Variants in PEX7 observed in about 807,000 individuals in gnomAD.
The protein encoded by PEX7 is peroxisomal biogenesis factor 7.
In PEX7, 34 loss-of-function variants were observed where a neutral mutation model predicts 47.5. That is an observed-to-expected ratio of 0.72 (90% CI 0.54 to 0.95). The LOEUF is 0.95. Among genes scored for constraint, PEX7 ranks in the 40% least tolerant of loss-of-function variants. PEX7 has a pLI of 0.00. For synonymous variants in PEX7, 141 were observed against 148.8 expected (o/e 0.95, Z 0.38); for missense variants, 394 against 400.3 (o/e 0.98, Z 0.13).
chr6:136,840,175 A>G (rs1413667129), intron 3 of PEX7, among the ~76,000 whole-genome samples: 1 of 152,208 alleles, frequency 6.6e-6, no homozygotes, highest in African/African-American at 2.4e-5. Context: ...TATTTTATAC[A>G]TTATAAAATA....
At position 136,900,955 on chromosome 6, in the gene PEX7, G is replaced by A. The variant is rs1775743697; in HGVS notation, c.903+2714G>A. The A allele has an allele frequency of 1.4e-5, 3 of 213,886 alleles. No homozygotes were observed. Among genetic ancestry groups the A allele is most frequent in the South Asian group, 1.6e-4 (2 of 12,742 alleles). 13.2% of individuals were successfully genotyped at this position (213,886 alleles called of 1,614,324 possible). Reference sequence around the variant, plus strand: ...TCACAGGAGGCACTTTTAGGCTCTTGTAGAGGATAACTCTTTGCTGCTGCA... The same window carrying A: ...TCACAGGAGGCACTTTTAGGCTCTTATAGAGGATAACTCTTTGCTGCTGCA... On this transcript the variant is annotated intron_variant, in intron 9 of 9. Coordinates refer to ENST00000318471, the MANE Select transcript of PEX7 (RefSeq NM_000288.4). This position sits in a 1 kb window ranked among gnomAD's most constrained non-coding sequence, Gnocchi z 4.2.
At chr6:136,825,691 AC>A (rs1182323011) in intron 2 of PEX7, among the ~76,000 whole-genome samples, 1 of 151,930 alleles carries the variant, frequency 6.6e-6, no homozygotes, top group Non-Finnish European at 1.5e-5. Flanking sequence ...CCGCCACCAC[AC>A]CCGGCTAATT....
chr6:136,878,858 TG>T (rs1465606189), intron 8 of PEX7, among the ~76,000 whole-genome samples: 1 of 136,376 alleles, frequency 7.3e-6, no homozygotes, highest in Non-Finnish European at 1.6e-5. Flanking sequence ...TGTGCTTTTT[TG>T]TTGTGTTTTT....
At chr6:136,888,458 C>T (rs1316526687) in intron 8 of PEX7, among the ~76,000 whole-genome samples, 4 of 152,094 alleles carry the variant, frequency 2.6e-5, no homozygotes, top group South Asian at 2.1e-4. Context: ...ACCCTATCAC[C>T]GTTTTTTGCT....
rs992525751 is a variant in PEX7, at chr6:136,873,020, GGTT to G, written c.803+768_803+770del. On this transcript the variant is annotated intron_variant, in intron 8 of 9. Transcript: ENST00000318471. ...ATTCTCCTCTTCTCTGTTAGAGTGT[GGTT>G]ATGTTATTCACTTGAAACATGGTTT... 9.2e-5 allele frequency among the ~76,000 whole-genome samples: 14 copies of G among 152,140 alleles called. No individual in the cohort carries two copies. In the South Asian group the frequency reaches 2.3e-3, roughly 25 times the overall value.
At chr6:136,847,310 T>A (rs1211819246) in intron 5 of PEX7, among the ~76,000 whole-genome samples, 3 of 152,070 alleles carry the variant, frequency 2.0e-5, no homozygotes, top group Admixed American at 2.0e-4. Flanking sequence ...TTCACTCTGA[T>A]GGTAGTTTCT....
intron 9 of PEX7, among the ~76,000 whole-genome samples, chr6:136,910,394 A>G (rs998393215): frequency 6.6e-6 from 1 of 152,188 alleles, no homozygotes; most frequent in African/African-American, 2.4e-5. Context: ...AGAGCAAGGC[A>G]AAGGGGACAG....
At chr6:136,903,827 C>T (rs1182993009) in intron 9 of PEX7, among the ~76,000 whole-genome samples, 2 of 147,804 alleles carry the variant, frequency 1.4e-5, no homozygotes, top group African/African-American at 5.1e-5. Flanking sequence ...TACAGGTGTG[C>T]ACTTTTTTTT....
At chr6:136,850,915 TG>T (rs1301074019) in intron 5 of PEX7, among the ~76,000 whole-genome samples, 1 of 106,542 alleles carries the variant, frequency 9.4e-6, no homozygotes, top group African/African-American at 3.6e-5. Context: ...TCAAAACTGA[TG>T]GTTTTTTTTT....
chr6:136,866,438 G>A lies in PEX7; in HGVS notation c.527-189G>A, dbSNP rs79553400. On this transcript the variant is annotated intron_variant, in intron 5 of 9. Coordinates refer to ENST00000318471, the MANE Select transcript of PEX7 (RefSeq NM_000288.4). ...CCTAATAGCATTATCACGGTGCAAC[G>A]TCACTTTTTGTATTCCTTCATTTGA... is the stretch of plus-strand genomic sequence containing the variant. Among the ~76,000 whole-genome samples the A allele has an allele frequency of 0.017, 2,604 of 152,158 alleles. 77 individuals are homozygous for A. The highest frequency in any genetic ancestry group is 0.06 in the African/African-American group (2,472 of 41,506).
intron 3 of PEX7, among the ~76,000 whole-genome samples, chr6:136,831,867 C>T (rs1458045876): frequency 1.3e-5 from 2 of 152,258 alleles, no homozygotes; most frequent in Admixed American, 1.3e-4. Flanking sequence ...CTGAAAGGTG[C>T]AGTCCTTATG....
Position 136,826,509 on chromosome 6 carries a change from T to C in PEX7, c.339+40T>C, listed in dbSNP as rs1774195801. The stretch of plus-strand genomic sequence containing the variant: ...TTTCTGGGCTGATTATTTTTCTTTC[T>C]TCGACTTTGGTTGAAATCCATTTGG... On this transcript the variant is annotated intron_variant, in intron 3 of 9. Transcript: ENST00000318471. 4 of 1,613,182 alleles carry C rather than the reference T, an allele frequency of 2.5e-6. No individual in the cohort carries two copies. The East Asian group carries it at 8.9e-5, about 36-fold the overall frequency.
chr6:136,900,489 G>A lies in PEX7; in HGVS notation c.903+2248G>A, dbSNP rs2115277627. The A allele has an allele frequency of 6.3e-6, 3 of 479,622 alleles. No homozygotes were observed. Among genetic ancestry groups the A allele is most frequent in the South Asian group, 3.1e-5 (2 of 65,504 alleles). 29.7% of individuals were successfully genotyped at this position (479,622 alleles called of 1,614,324 possible). A position where few individuals can be genotyped will look rare whatever the true frequency, so the allele number is the denominator to read the frequency against. On this transcript the variant is annotated intron_variant, in intron 9 of 9. Transcript: ENST00000318471. The surrounding 1 kb of genome is among the most constrained non-coding windows in gnomAD (Gnocchi z 4.2). The stretch of plus-strand genomic sequence containing the variant: ...CCCCCCAGTGACAGCAGATCTCATC[G>A]TGTCTGTCATTGTAATTGGTCCTGA...
intron 3 of PEX7, among the ~76,000 whole-genome samples, chr6:136,834,468 T>C (rs895010194): frequency 4.3e-4 from 66 of 152,200 alleles, no homozygotes; most frequent in Non-Finnish European, 1.6e-4. Context: ...CCACTTGCCT[T>C]GGCCTCCCAA....
At position 136,911,187 on chromosome 6, in the gene PEX7, T is replaced by TTTTG. The variant is rs1187997783; in HGVS notation, c.904-2255_904-2252dup. Among the ~76,000 whole-genome samples, 161 of 151,950 alleles carry TTTTG rather than the reference T, an allele frequency of 1.1e-3. 1 individual carries two copies. Among genetic ancestry groups the TTTTG allele is most frequent in the African/African-American group, 3.4e-3 (143 of 41,474 alleles). ...TGAGAAGAGTAACATTGTTCTGACTTTTTGTTTGTTTGTTTGTTTACCTTA... is the reference window on the plus strand; with the variant it reads ...TGAGAAGAGTAACATTGTTCTGACTTTTTGTTTGTTTGTTTGTTTGTTTACCTTA... On this transcript the variant is annotated intron_variant, in intron 9 of 9. Coordinates refer to ENST00000318471, the MANE Select transcript of PEX7 (RefSeq NM_000288.4).
intron 3 of PEX7, 129 bp downstream of exon 3, chr6:136,826,598 C>A: frequency 3.0e-6 from 3 of 1,013,288 alleles, no homozygotes; most frequent in Non-Finnish European, 3.0e-6. Context: ...CTTATACATA[C>A]TAGATGTCAC....
chr6:136,875,227 C>CT (rs1396409785), intron 8 of PEX7, among the ~76,000 whole-genome samples: 1 of 148,556 alleles, frequency 6.7e-6, no homozygotes, highest in South Asian at 2.1e-4. Context: ...TTTTGTTGTT[C>CT]TTTTTTTCAG....
intron 5 of PEX7, among the ~76,000 whole-genome samples, chr6:136,847,920 A>G (rs1582746267): frequency 2.0e-5 from 3 of 152,278 alleles, no homozygotes; most frequent in East Asian, 1.9e-4. Flanking sequence ...CATTGAATCT[A>G]TAAATTACCT....
chr6:136,884,284 TTA>T (rs1394123008), intron 8 of PEX7, among the ~76,000 whole-genome samples: 3 of 152,180 alleles, frequency 2.0e-5, no homozygotes. Context: ...GTGATATGAG[TTA>T]AATTTATCCT....
Sources: allele counts gnomAD v4.1 joint callset (sites outside exome capture counted in the v4.1 genomes callset), GRCh38; gene constraint gnomAD v4.1.1; non-coding constraint Gnocchi (gnomAD v3.1); transcripts MANE v1.5; gene names NCBI Gene and HGNC (gene_info 2026-07-23, HGNC 2026-07-21).